Variants in BTBD9 observed in about 807,000 individuals in gnomAD.
BTBD9 encodes the protein BTB domain containing 9, also known as BTB/POZ domain-containing protein 9.
A neutral mutation model predicts 64.3 loss-of-function variants in BTBD9; 49 were observed. That is an observed-to-expected ratio of 0.76 (90% CI 0.61 to 0.97). The LOEUF is 0.97. Among genes scored for constraint, BTBD9 ranks in the 50% least tolerant of loss-of-function variants. The pLI is 0.00. For synonymous variants in BTBD9, 260 were observed against 274.7 expected (o/e 0.95, Z 0.53); for missense variants, 598 against 762.1 (o/e 0.78, Z 2.53).
chr6:38,503,133 T>C (rs1352187586), intron 6 of BTBD9, among the ~76,000 whole-genome samples: 1 of 152,190 alleles, frequency 6.6e-6, no homozygotes, highest in Non-Finnish European at 1.5e-5. Flanking sequence ...GCTCTTTCTA[T>C]GTGTCACTTC....
At chr6:38,406,771 G>A (rs567951344) in intron 6 of BTBD9, among the ~76,000 whole-genome samples, 1 of 152,326 alleles carries the variant, frequency 6.6e-6, no homozygotes, top group East Asian at 1.9e-4. Flanking sequence ...TTGCTGCCCA[G>A]GCTGGAGTGC....
chr6:38,512,829 T>C (rs947561973), intron 6 of BTBD9, among the ~76,000 whole-genome samples: 8 of 152,330 alleles, frequency 5.3e-5, no homozygotes, highest in Admixed American at 2.0e-4. Flanking sequence ...AATTTTGTAG[T>C]TGAGATCTAA....
At position 38,351,074 on chromosome 6, in the gene BTBD9, G is replaced by A. The variant is rs1437355300; in HGVS notation, c.1155-5981C>T. Among the ~76,000 whole-genome samples the A allele has an allele frequency of 2.0e-5, 3 of 152,208 alleles. No individual in the cohort carries two copies. In the East Asian group the frequency reaches 5.8e-4, roughly 29 times the overall value. Reference sequence around the variant, plus strand: ...GCAGCAAGTGGAAAACAAGTTTACTGCCAGAATGACAAAAAGCTTCTAGAA... The same window carrying A: ...GCAGCAAGTGGAAAACAAGTTTACTACCAGAATGACAAAAAGCTTCTAGAA... On this transcript the variant is annotated intron_variant, in intron 6 of 10. Coordinates refer to ENST00000481247, the MANE Select transcript of BTBD9 (RefSeq NM_001099272.2).
intron 9 of BTBD9, among the ~76,000 whole-genome samples, chr6:38,211,728 A>G (rs987796368): frequency 2.5e-5 from 3 of 120,442 alleles, no homozygotes; most frequent in African/African-American, 1.0e-4. Context: ...TGGGCAACAG[A>G]GCAAGATTCT....
intron 6 of BTBD9, among the ~76,000 whole-genome samples, chr6:38,463,203 T>C (rs1167842842): frequency 6.6e-6 from 1 of 152,238 alleles, no homozygotes; most frequent in Admixed American, 6.5e-5. Flanking sequence ...CATAGAGAAA[T>C]ACAATTGATT....
intron 9 of BTBD9, among the ~76,000 whole-genome samples, chr6:38,215,550 T>C (rs942167079): frequency 6.6e-6 from 1 of 152,238 alleles, no homozygotes; most frequent in African/African-American, 2.4e-5. Flanking sequence ...CTGTCAAAGA[T>C]TGTCAAATAG....
At chr6:38,364,459 A>C (rs1463687404) in intron 6 of BTBD9, among the ~76,000 whole-genome samples, 1 of 152,230 alleles carries the variant, frequency 6.6e-6, no homozygotes, top group Admixed American at 6.5e-5. Flanking sequence ...TTTCTATGCA[A>C]ATGCTTTCAG....
At chr6:38,460,429 C>T (rs887057724) in intron 6 of BTBD9, among the ~76,000 whole-genome samples, 12 of 152,176 alleles carry the variant, frequency 7.9e-5, no homozygotes, top group African/African-American at 2.9e-4. Context: ...ATGCACACCG[C>T]AGTTGCGTAT....
chr6:38,346,179 A>T (rs141297620), intron 6 of BTBD9, among the ~76,000 whole-genome samples: 83 of 152,320 alleles, frequency 5.4e-4, no homozygotes, highest in Admixed American at 3.1e-3. Flanking sequence ...TTTAGACGAT[A>T]TAATTTTACT....
intron 6 of BTBD9, among the ~76,000 whole-genome samples, chr6:38,367,657 T>C (rs952010477): frequency 1.3e-5 from 2 of 152,096 alleles, no homozygotes; most frequent in African/African-American, 4.8e-5. Context: ...AGACCACAAA[T>C]GGTGCTTTCT....
At chr6:38,304,666 A>G (rs1299185035) in intron 7 of BTBD9, among the ~76,000 whole-genome samples, 1 of 152,196 alleles carries the variant, frequency 6.6e-6, no homozygotes, top group Non-Finnish European at 1.5e-5. Context: ...CCTGGGCTCA[A>G]GCAATCCTCC....
rs574658440 is a variant in BTBD9, at chr6:38,174,045, T to C, written c.*940A>G. On this transcript the variant is annotated 3_prime_UTR_variant, in exon 11 of 11. Transcript: ENST00000481247. ...GGCAGGTGGCTGCCTCTCCAATGCTTCGATAAACACAACTGGAGGGGCAGC... is the reference window on the plus strand; with the variant it reads ...GGCAGGTGGCTGCCTCTCCAATGCTCCGATAAACACAACTGGAGGGGCAGC... 2 of 152,208 alleles carry C rather than the reference T, an allele frequency of 1.3e-5. No homozygotes were observed. The highest frequency in any genetic ancestry group is 2.9e-5 in the Non-Finnish European group (2 of 68,046). The allele number at this position is 152,208 out of a possible 1,614,324, so 9.4% of individuals were successfully genotyped here. A position where few individuals can be genotyped will look rare whatever the true frequency, so the allele number is the denominator to read the frequency against.
chr6:38,202,937 C>A (rs1279940471), intron 9 of BTBD9, among the ~76,000 whole-genome samples: 2 of 151,982 alleles, frequency 1.3e-5, no homozygotes, highest in Non-Finnish European at 2.9e-5. Flanking sequence ...GGAGAAAATA[C>A]CCGCAAACTA....
intron 7 of BTBD9, among the ~76,000 whole-genome samples, chr6:38,321,025 T>A (rs1763213547): frequency 6.6e-6 from 1 of 152,244 alleles, no homozygotes; most frequent in South Asian, 2.1e-4. Context: ...TCTGACCTAC[T>A]GAATCAGATC....
At chr6:38,630,509 G>T (rs1232284052) in intron 1 of BTBD9, among the ~76,000 whole-genome samples, 1 of 152,138 alleles carries the variant, frequency 6.6e-6, no homozygotes, top group Non-Finnish European at 1.5e-5. Context: ...GTTCAGTGGG[G>T]CAAAAGGAGA....
At chr6:38,591,850 G>A (rs1776805209) in intron 4 of BTBD9, among the ~76,000 whole-genome samples, 1 of 152,142 alleles carries the variant, frequency 6.6e-6, no homozygotes, top group African/African-American at 2.4e-5. Flanking sequence ...CCTTATGTAT[G>A]TATGTTACAT....
chr6:38,523,458 A>G (rs1450150393), intron 6 of BTBD9, among the ~76,000 whole-genome samples: 1 of 152,168 alleles, frequency 6.6e-6, no homozygotes, highest in East Asian at 1.9e-4. Flanking sequence ...AGTCTCTGAG[A>G]GTTGGGCCAA....
chr6:38,446,306 G>GT (rs764323192), intron 6 of BTBD9, among the ~76,000 whole-genome samples: 1,577 of 145,066 alleles, frequency 0.011, 14 homozygotes, highest in African/African-American at 0.03. Flanking sequence ...TAAACAACTA[G>GT]TTTTTTTTTT....
At chr6:38,546,397 T>C (rs575805256) in intron 6 of BTBD9, among the ~76,000 whole-genome samples, 4 of 152,340 alleles carry the variant, frequency 2.6e-5, no homozygotes, top group African/African-American at 4.8e-5. Flanking sequence ...AAATTTCCTG[T>C]GATTTGTACT....
Sources: allele counts gnomAD v4.1 joint callset (sites outside exome capture counted in the v4.1 genomes callset), GRCh38; gene constraint gnomAD v4.1.1; transcripts MANE v1.5; gene names NCBI Gene and HGNC (gene_info 2026-07-23, HGNC 2026-07-21).